Variants in NLGN1 observed in about 807,000 individuals in gnomAD.
The protein encoded by NLGN1 is neuroligin 1.
NLGN1 carries 12 observed loss-of-function variants against 65.5 expected under a neutral mutation model. The ratio of observed to expected loss-of-function variants is 0.18; its 90% CI spans 0.12 to 0.30. NLGN1 has a LOEUF of 0.30. Among genes scored for constraint, NLGN1 ranks in the 10% least tolerant of loss-of-function variants. NLGN1 has a pLI of 1.00. For synonymous variants in NLGN1, 350 were observed against 359.5 expected (o/e 0.97, Z 0.30); for missense variants, 750 against 1,007.1 (o/e 0.74, Z 3.46).
intron 4 of NLGN1, among the ~76,000 whole-genome samples, chr3:174,274,061 A>G (rs12638719): frequency 0.12 from 18,365 of 151,322 alleles, 1,720 homozygotes; most frequent in East Asian, 0.54. Flanking sequence ...TTGAATTTCT[A>G]TAAGTCTCCA....
At chr3:173,414,373 A>T (rs1252351836) in intron 1 of NLGN1, among the ~76,000 whole-genome samples, 1 of 152,172 alleles carries the variant, frequency 6.6e-6, no homozygotes, top group Non-Finnish European at 1.5e-5. Context: ...TTAAATGGCT[A>T]TCTTTGAATT....
chr3:174,277,695 AT>A (rs755814770), intron 5 of NLGN1, among the ~76,000 whole-genome samples: 1 of 151,866 alleles, frequency 6.6e-6, no homozygotes, highest in Non-Finnish European at 1.5e-5. Flanking sequence ...ATACTGTTAG[AT>A]TTTTTTAATA....
chr3:173,503,610 C>T (rs1254151052), intron 2 of NLGN1, among the ~76,000 whole-genome samples: 6 of 151,922 alleles, frequency 3.9e-5, no homozygotes, highest in Admixed American at 3.9e-4. Context: ...ATAAATTTGG[C>T]CTACTAAGCT....
intron 4 of NLGN1, among the ~76,000 whole-genome samples, chr3:173,931,317 T>C (rs1290033370): frequency 2.0e-5 from 3 of 152,010 alleles, no homozygotes; most frequent in Non-Finnish European, 4.4e-5. Context: ...TGTTAGTGGG[T>C]GAGAAGTGCT....
chr3:173,660,027 A>G (rs1760692449), intron 3 of NLGN1, among the ~76,000 whole-genome samples: 1 of 151,746 alleles, frequency 6.6e-6, no homozygotes, highest in Non-Finnish European at 1.5e-5. Context: ...TACTTTGTTG[A>G]TTTGTATAGG....
intron 4 of NLGN1, among the ~76,000 whole-genome samples, chr3:173,943,095 A>G (rs1288102927): frequency 6.6e-6 from 1 of 151,990 alleles, no homozygotes; most frequent in Non-Finnish European, 1.5e-5. Context: ...GCATGGTGGC[A>G]CATGCTTGTG....
intron 3 of NLGN1, among the ~76,000 whole-genome samples, chr3:173,658,257 G>C (rs1760387353): frequency 6.6e-6 from 1 of 151,888 alleles, no homozygotes; most frequent in Non-Finnish European, 1.5e-5. Context: ...TAGGTCTGTT[G>C]CTACCAGGTA....
intron 4 of NLGN1, among the ~76,000 whole-genome samples, chr3:173,909,168 C>T (rs910016208): frequency 2.0e-5 from 3 of 151,926 alleles, no homozygotes; most frequent in African/African-American, 7.3e-5. Flanking sequence ...GTCAGGAAGT[C>T]CTTGCAGAAC....
At chr3:174,000,030 G>T (rs1722979896) in intron 4 of NLGN1, among the ~76,000 whole-genome samples, 1 of 151,866 alleles carries the variant, frequency 6.6e-6, no homozygotes, top group African/African-American at 2.4e-5. Flanking sequence ...TCATAATAAG[G>T]AGTTACGTGG....
chr3:173,418,037 TTTTA>T (rs1714150601), intron 1 of NLGN1, among the ~76,000 whole-genome samples: 1 of 151,326 alleles, frequency 6.6e-6, no homozygotes, highest in Non-Finnish European at 1.5e-5. Flanking sequence ...TTCTCTTTCT[TTTTA>T]TTTGTTTATG....
At chr3:174,008,279 C>T (rs1724848350) in intron 4 of NLGN1, among the ~76,000 whole-genome samples, 1 of 152,102 alleles carries the variant, frequency 6.6e-6, no homozygotes, top group African/African-American at 2.4e-5. Context: ...CTACTGCTCA[C>T]ATCCCACTAG....
At chr3:173,729,549 A>T (rs1370384423) in intron 3 of NLGN1, among the ~76,000 whole-genome samples, 1 of 152,094 alleles carries the variant, frequency 6.6e-6, no homozygotes, top group Non-Finnish European at 1.5e-5. Flanking sequence ...TGGTGAAGCA[A>T]TATGCAAAAT....
chr3:174,254,306 AT>A (rs371427726), intron 4 of NLGN1, among the ~76,000 whole-genome samples: 8,192 of 113,376 alleles, frequency 0.072, 351 homozygotes, highest in African/African-American at 0.21. Flanking sequence ...GTCCTTTTTA[AT>A]TTTTTTTTTT....
chr3:173,662,655 A>G (rs967386358), intron 3 of NLGN1, among the ~76,000 whole-genome samples: 78 of 151,964 alleles, frequency 5.1e-4, no homozygotes, highest in Non-Finnish European at 8.8e-5. Flanking sequence ...TTTCTTAGCC[A>G]TTAGCATATG....
At chr3:173,455,766 A>T (rs1298473896) in intron 2 of NLGN1, among the ~76,000 whole-genome samples, 1 of 152,112 alleles carries the variant, frequency 6.6e-6, no homozygotes, top group Non-Finnish European at 1.5e-5. Flanking sequence ...GTGTGTATAT[A>T]TATATGTTTA....
intron 4 of NLGN1, among the ~76,000 whole-genome samples, chr3:174,231,587 A>G (rs1470904299): frequency 6.6e-6 from 1 of 152,178 alleles, no homozygotes; most frequent in East Asian, 1.9e-4. Context: ...AGTCCTTCTC[A>G]GGCCATATTT....
intron 2 of NLGN1, among the ~76,000 whole-genome samples, chr3:173,549,792 T>A (rs1230760943): frequency 3.3e-5 from 5 of 152,084 alleles, no homozygotes; most frequent in African/African-American, 1.2e-4. Flanking sequence ...GACAAGCCAA[T>A]CCTGTATAAG....
At chr3:174,208,870 G>A (rs991636239) in intron 4 of NLGN1, among the ~76,000 whole-genome samples, 1 of 152,080 alleles carries the variant, frequency 6.6e-6, no homozygotes, top group African/African-American at 2.4e-5. Context: ...GTAACGTGGT[G>A]ATATAGGCAG....
exon 7 of NLGN1, chr3:174,285,246 T>G (rs1751976844): frequency 6.6e-6 from 1 of 151,536 alleles, no homozygotes; most frequent in South Asian, 2.1e-4. Flanking sequence ...CTTTTGATGT[T>G]AGTAATTTTG....
Sources: gnomAD v4.1 joint callset for allele counts (sites outside exome capture counted in the v4.1 genomes callset) on GRCh38, gnomAD v4.1.1 for gene constraint, MANE v1.5 for transcripts, NCBI Gene and HGNC (gene_info 2026-07-23, HGNC 2026-07-21) for gene names.